The following ANKH variants were observed in gnomAD, a reference collection of about 807,000 sequenced individuals.
ANKH encodes mineralization regulator ANKH.
In ANKH, 15 loss-of-function variants were observed where a neutral mutation model predicts 49.0. That is an observed-to-expected ratio of 0.31 (90% CI 0.20 to 0.47). The LOEUF (loss-of-function observed/expected upper bound fraction) is 0.47. Ranked by LOEUF, ANKH falls within the 20% of genes least tolerant of loss-of-function variation. ANKH has a pLI of 1.00. For missense variants in ANKH, 429 were observed against 652.0 expected (o/e 0.66, Z 3.72); for synonymous variants, 273 against 260.0 (o/e 1.05, Z -0.48).
At chr5:14,782,666 C>T (rs1387851010) in intron 1 of ANKH, among the ~76,000 whole-genome samples, 1 of 152,056 alleles carries the variant, frequency 6.6e-6, no homozygotes, top group Non-Finnish European at 1.5e-5. Context: ...AGCATTACGG[C>T]GCAGATGTAA....
intron 1 of ANKH, among the ~76,000 whole-genome samples, chr5:14,794,412 G>A (rs937566004): frequency 8.5e-5 from 13 of 152,230 alleles, no homozygotes; most frequent in South Asian, 4.1e-4. Flanking sequence ...AAGACAGCTC[G>A]GGGAGCACAG....
chr5:14,741,019 T>G (rs775311096), intron 8 of ANKH, among the ~76,000 whole-genome samples: 12 of 152,242 alleles, frequency 7.9e-5, no homozygotes, highest in Non-Finnish European at 1.3e-4. Context: ...TTTCTTCTTA[T>G]CGTCTTTTTC....
At chr5:14,778,701 C>T (rs1476570435) in intron 1 of ANKH, among the ~76,000 whole-genome samples, 1 of 152,220 alleles carries the variant, frequency 6.6e-6, no homozygotes, top group African/African-American at 2.4e-5. Context: ...ACTACTGCAG[C>T]CTACACTTCA....
In ANKH at chr5:14,837,996, A is replaced by C. The variant is rs141334546; in HGVS notation, c.96+33356T>G. Among the ~76,000 whole-genome samples the C allele has an allele frequency of 9.2e-4, 140 of 152,342 alleles. 1 individual carries two copies. In the East Asian group the frequency reaches 0.025, roughly 27 times the overall value. On this transcript the variant is annotated intron_variant, in intron 1 of 11. Coordinates refer to ENST00000284268, the MANE Select transcript of ANKH (RefSeq NM_054027.6). ...GATAAGGCTGGAAACCATCATTCTGAGCAAACTATCATAATGATAGAAAAC... is the reference window on the plus strand; with the variant it reads ...GATAAGGCTGGAAACCATCATTCTGCGCAAACTATCATAATGATAGAAAAC...
intron 8 of ANKH, among the ~76,000 whole-genome samples, chr5:14,730,613 C>T (rs1217131170): frequency 6.6e-6 from 1 of 152,202 alleles, no homozygotes; most frequent in Non-Finnish European, 1.5e-5. Context: ...AGGTCTCCCT[C>T]ACCCAGGTCC....
At chr5:14,854,878 T>C (rs981911253) in intron 1 of ANKH, among the ~76,000 whole-genome samples, 2 of 152,212 alleles carry the variant, frequency 1.3e-5, no homozygotes, top group Non-Finnish European at 2.9e-5. Flanking sequence ...AACTGGTCTC[T>C]GTGCCTTTGG....
At chr5:14,717,185 G>A in intron 8 of ANKH, 2 of 313,042 alleles carry the variant, frequency 6.4e-6, no homozygotes, top group Non-Finnish European at 1.3e-5. Context: ...CCAGTTCCAC[G>A]TGGACATGTT....
chr5:14,724,002 G>T (rs1195347628), intron 8 of ANKH, among the ~76,000 whole-genome samples: 6 of 152,180 alleles, frequency 3.9e-5, no homozygotes, highest in Admixed American at 3.9e-4. Context: ...TAACGTTGAT[G>T]ATGACTCAGA....
At chr5:14,717,878 G>A (rs1288045720) in intron 8 of ANKH, among the ~76,000 whole-genome samples, 1 of 152,156 alleles carries the variant, frequency 6.6e-6, no homozygotes, top group Non-Finnish European at 1.5e-5. Context: ...TCATGTCAGC[G>A]CTCAAAAGTT....
intron 1 of ANKH, among the ~76,000 whole-genome samples, chr5:14,831,967 A>C (rs1741519654): frequency 6.6e-6 from 1 of 152,186 alleles, no homozygotes. Context: ...TTTACCCTAA[A>C]ATTTTTTGGG....
intron 8 of ANKH, among the ~76,000 whole-genome samples, chr5:14,734,140 C>G (rs751947947): frequency 2.0e-5 from 3 of 152,136 alleles, no homozygotes; most frequent in Non-Finnish European, 4.4e-5. Flanking sequence ...AATTCTTTGC[C>G]TTCTACTTTT....
At chr5:14,742,515 C>T (rs1291529475) in intron 7 of ANKH, among the ~76,000 whole-genome samples, 1 of 152,166 alleles carries the variant, frequency 6.6e-6, no homozygotes, top group African/African-American at 2.4e-5. Flanking sequence ...CAAAAACATC[C>T]CTCTTTCTAA....
chr5:14,751,099 G>A lies in ANKH; in HGVS notation c.657C>T (p.Ile219=). ...GCTCCGGGCCACTTCTGTCAGGGATGATGTCGTGAATGTTCTTGTAGTAGC... is the reference window on the plus strand; with the variant it reads ...GCTCCGGGCCACTTCTGTCAGGGATAATGTCGTGAATGTTCTTGTAGTAGC... ...CLGYYKNIHD[I]IPDRSGPELG... Residue 219 remains isoleucine, a synonymous_variant, in exon 5 of 12, where the codon ATC becomes ATT. Coordinates refer to ENST00000284268, the MANE Select transcript of ANKH (RefSeq NM_054027.6). 6.2e-7 allele frequency: 1 copy of A among 1,614,248 alleles called. No homozygotes were observed. Among genetic ancestry groups the A allele is most frequent in the South Asian group, 1.1e-5 (1 of 91,084 alleles).
intron 1 of ANKH, among the ~76,000 whole-genome samples, chr5:14,845,730 G>A (rs1167035655): frequency 7.2e-5 from 11 of 151,856 alleles, no homozygotes; most frequent in Admixed American, 6.6e-4. Context: ...TACAACCCTG[G>A]TCAATTACCA....
intron 1 of ANKH, among the ~76,000 whole-genome samples, chr5:14,848,064 C>T (rs1742014843): frequency 6.6e-6 from 1 of 152,122 alleles, no homozygotes; most frequent in African/African-American, 2.4e-5. Context: ...CACCTGAACC[C>T]AGGAGGCAGA....
chr5:14,797,516 G>A (rs1032419613), intron 1 of ANKH: 30 of 1,611,092 alleles, frequency 1.9e-5, no homozygotes, highest in Admixed American at 5.0e-5. Flanking sequence ...CAACAGTCTT[G>A]TCAGCTGATC....
chr5:14,851,055 C>T (rs1250562373), intron 1 of ANKH, among the ~76,000 whole-genome samples: 3 of 152,078 alleles, frequency 2.0e-5, no homozygotes, highest in African/African-American at 4.8e-5. Flanking sequence ...AGGAGGACTG[C>T]GGAACCTGCC....
At chr5:14,857,158 G>C (rs1735300593) in intron 1 of ANKH, among the ~76,000 whole-genome samples, 1 of 151,940 alleles carries the variant, frequency 6.6e-6, no homozygotes, top group South Asian at 2.1e-4. Flanking sequence ...CATTTTGCCT[G>C]GTACCTCCAA....
chr5:14,722,910 A>G (rs1050538573), intron 8 of ANKH, among the ~76,000 whole-genome samples: 1 of 151,948 alleles, frequency 6.6e-6, no homozygotes, highest in Non-Finnish European at 1.5e-5. Flanking sequence ...CATACCCTCG[A>G]TAAGATGTGA....
Sources: allele counts gnomAD v4.1 joint callset (sites outside exome capture counted in the v4.1 genomes callset), GRCh38; gene constraint gnomAD v4.1.1; transcripts MANE v1.5; gene names NCBI Gene and HGNC (gene_info 2026-07-23, HGNC 2026-07-21).